The following NME1 variants were observed in gnomAD, a reference collection of about 807,000 sequenced individuals.
NME1 encodes the protein NME/NM23 nucleoside diphosphate kinase 1.
NME1 carries 9 observed loss-of-function variants against 17.2 expected under a neutral mutation model. The observed-to-expected ratio is 0.52, with a 90% CI of 0.32 to 0.92. The LOEUF is 0.92. Ranked by LOEUF, NME1 falls within the 40% of genes least tolerant of loss-of-function variation. NME1 has a pLI of 0.04. For synonymous variants in NME1, 72 were observed against 70.8 expected (o/e 1.02, Z -0.09); for missense variants, 169 against 201.7 (o/e 0.84, Z 0.98).
rs575364617 is a variant in NME1, at chr17:51,161,322, A to C, written c.341+50A>C. ...TTTTCCAAAATCTGATTTAGTTGCCACAAGGATTTGGGTTTCCGAGGCTGG... is the reference window on the plus strand; with the variant it reads ...TTTTCCAAAATCTGATTTAGTTGCCCCAAGGATTTGGGTTTCCGAGGCTGG... On this transcript the variant is annotated intron_variant, in intron 4 of 4. Coordinates refer to ENST00000393196, the MANE Select transcript of NME1 (RefSeq NM_000269.3). 5.8e-4 allele frequency: 896 copies of C among 1,534,894 alleles called. 11 individuals are homozygous for C. In the South Asian group the frequency reaches 9.4e-3, roughly 16 times the overall value.
chr17:51,155,880 C>T (rs908625850), intron 2 of NME1, 100 bp downstream of exon 2: 18 of 1,567,860 alleles, frequency 1.1e-5, no homozygotes, highest in Admixed American at 5.1e-5. Context: ...AAGTTCTCCA[C>T]GGTAGAGTGA....
intron 2 of NME1, among the ~76,000 whole-genome samples, chr17:51,159,167 T>C (rs2049828651): frequency 6.6e-6 from 1 of 152,176 alleles, no homozygotes; most frequent in Non-Finnish European, 1.5e-5. Flanking sequence ...AATGAGATAG[T>C]TGAGGGCCAG....
intron 1 of NME1, among the ~76,000 whole-genome samples, chr17:51,154,902 C>T (rs187206967): frequency 2.0e-5 from 3 of 152,276 alleles, no homozygotes; most frequent in East Asian, 1.9e-4. Context: ...CCTAGTTCCA[C>T]CGCAGTGTTT....
chr17:51,161,967 G>A lies in NME1; in HGVS notation c.*122G>A, dbSNP rs2049870662. ...CATCATAATTTGGAGGGAAGCTCTT[G>A]GAGCTGTGAGTTCTCCCTGTACAGT... is the stretch of plus-strand genomic sequence containing the variant. On this transcript the variant is annotated 3_prime_UTR_variant, in exon 5 of 5. Coordinates refer to ENST00000393196, the MANE Select transcript of NME1 (RefSeq NM_000269.3). The A allele has an allele frequency of 2.7e-6, 2 of 738,026 alleles. No individual in the cohort carries two copies. The highest frequency in any genetic ancestry group is 4.9e-6 in the Non-Finnish European group (2 of 411,536). 45.7% of individuals were successfully genotyped at this position (738,026 alleles called of 1,614,324 possible).
chr17:51,158,154 C>G (rs1024121332), intron 2 of NME1, among the ~76,000 whole-genome samples: 2 of 152,204 alleles, frequency 1.3e-5, no homozygotes, highest in Admixed American at 1.3e-4. Flanking sequence ...ATGGCGCATG[C>G]CTGTAGTCCC....
rs372287721 is a variant in NME1 at position 51,161,859 on chromosome 17, C to G, written c.*14C>G. On this transcript the variant is annotated 3_prime_UTR_variant, in exon 5 of 5. Coordinates refer to ENST00000393196, the MANE Select transcript of NME1 (RefSeq NM_000269.3). ...ATCTATGAATGACAGGAGGGCAGACCACATTGCTTTTCACATCCATTTCCC... is the reference window on the plus strand; with the variant it reads ...ATCTATGAATGACAGGAGGGCAGACGACATTGCTTTTCACATCCATTTCCC... 7 of 1,533,922 alleles carry G rather than the reference C, an allele frequency of 4.6e-6. No homozygotes were observed. The African/African-American group carries it at 6.8e-5, about 15-fold the overall frequency.
chr17:51,154,161 T>C (rs202025252), intron 1 of NME1: 444 of 424,486 alleles, frequency 1.0e-3, no homozygotes, highest in South Asian at 5.0e-3. Context: ...CTCTCTCTCT[T>C]TTTTTTTTTT....
At chr17:51,154,429 C>T (rs2049754514) in intron 1 of NME1, 1 of 1,614,064 alleles carries the variant, frequency 6.2e-7, no homozygotes, top group Non-Finnish European at 8.5e-7. Context: ...CCTCCTATCT[C>T]AAGCTGTGAT....
intron 2 of NME1, 147 bp from the exon 3 acceptor site, chr17:51,159,833 C>A: frequency 1.2e-6 from 1 of 856,178 alleles, no homozygotes; most frequent in South Asian, 1.4e-5. Flanking sequence ...TGCTCCCTTC[C>A]AGTGTGGAGA....
chr17:51,153,819 A>G (rs7207370), intron 1 of NME1, 157 bp downstream of exon 1: 68,087 of 162,594 alleles, frequency 0.42, 14,438 homozygotes, highest in African/African-American at 0.5. Context: ...ACAAGTGCAG[A>G]CCGGTCGGCG....
At chr17:51,161,350 G>A in intron 4 of NME1, 78 bp downstream of exon 4, 1 of 1,316,810 alleles carries the variant, frequency 7.6e-7, no homozygotes, top group Non-Finnish European at 1.1e-6. Context: ...GAGGCTGGAG[G>A]TAGACATGAT....
intron 2 of NME1, among the ~76,000 whole-genome samples, chr17:51,156,839 C>T (rs1468853297): frequency 1.4e-5 from 2 of 146,760 alleles, no homozygotes; most frequent in African/African-American, 2.5e-5. Context: ...TTGCAGTGAC[C>T]GAGATCGCAT....
intron 2 of NME1, among the ~76,000 whole-genome samples, chr17:51,157,465 C>T (rs146123557): frequency 6.6e-6 from 1 of 152,250 alleles, no homozygotes; most frequent in Non-Finnish European, 1.5e-5. Context: ...GGGTGAAGCC[C>T]TCATGACCTA....
chr17:51,160,176 C>G (rs186719831), intron 3 of NME1, 95 bp downstream of exon 3: 1 of 1,309,902 alleles, frequency 7.6e-7, no homozygotes, highest in South Asian at 1.2e-5. Flanking sequence ...ATGAATGAGA[C>G]CAAATAGATA....
chr17:51,161,136 C>T, intron 3 of NME1, 24 bp from the exon 4 acceptor site: 1 of 1,595,192 alleles, frequency 6.3e-7, no homozygotes, highest in South Asian at 1.1e-5. Context: ...TCTTCTTTGA[C>T]CATATCTTCT....
intron 1 of NME1, chr17:51,154,544 A>G: frequency 2.9e-6 from 3 of 1,022,132 alleles, no homozygotes; most frequent in Non-Finnish European, 4.6e-6. Context: ...AGATATTCCT[A>G]ATGTCTGTAG....
rs758535440 is a variant in NME1, at chr17:51,155,763, G to T, written c.109G>T (p.Gly37Cys). 6.2e-7 allele frequency: 1 copy of T among 1,613,700 alleles called. No homozygotes were observed. ...RFEQKGFRLV[G>C]LKFMQASEDL... ...TGAGCAGAAAGGATTCCGCCTTGTTGGTCTGAAATTCATGCAAGTAAGTGG... is the reference window on the plus strand; with the variant it reads ...TGAGCAGAAAGGATTCCGCCTTGTTTGTCTGAAATTCATGCAAGTAAGTGG... Residue 37 changes from glycine to cysteine, a missense_variant, in exon 2 of 5, where the codon GGT (glycine) becomes TGT (cysteine). Transcript: ENST00000393196.
At chr17:51,155,300 G>A (rs983375211) in intron 1 of NME1, among the ~76,000 whole-genome samples, 3 of 151,114 alleles carry the variant, frequency 2.0e-5, no homozygotes, top group African/African-American at 7.3e-5. Flanking sequence ...CATAATCCCA[G>A]CACTTTGGTA....
chr17:51,154,491 A>G, intron 1 of NME1: 1 of 1,510,758 alleles, frequency 6.6e-7, no homozygotes, highest in Non-Finnish European at 9.2e-7. Context: ...TCTGGACGGA[A>G]TAGTTACTCT....
Sources: gnomAD v4.1 joint callset for allele counts (sites outside exome capture counted in the v4.1 genomes callset) on GRCh38, gnomAD v4.1.1 for gene constraint, MANE v1.5 for transcripts, NCBI Gene and HGNC (gene_info 2026-07-23, HGNC 2026-07-21) for gene names.